Variants in GSTA1 observed in about 807,000 individuals in gnomAD.
GSTA1 encodes the protein glutathione S-transferase A1.
A neutral mutation model predicts 21.5 loss-of-function variants in GSTA1; 23 were observed. That is an observed-to-expected ratio of 1.07 (90% CI 0.77 to 1.52). GSTA1 has a LOEUF of 1.52. Among genes scored for constraint, GSTA1 ranks in the 40% most tolerant of loss-of-function variants. GSTA1 has a pLI of 0.00. For missense variants in GSTA1, 301 were observed against 264.2 expected (o/e 1.14, Z -0.96); for synonymous variants, 125 against 90.0 (o/e 1.39, Z -2.20).
rs1363292247 is a variant in GSTA1, at chr6:52,799,067, CA to C, written c.87+113del. ...GTTCATCTTTTTCTTAATTACAGTC[CA>C]TTTTTATTTAAGGCACAATGCTTCA... On this transcript the variant is annotated intron_variant, in intron 2 of 6. Coordinates refer to ENST00000334575, the MANE Select transcript of GSTA1 (RefSeq NM_145740.5). The C allele has an allele frequency of 5.5e-5, 52 of 946,990 alleles. 1 individual carries two copies. The highest frequency in any genetic ancestry group is 1.3e-4 in the Admixed American group (6 of 45,992). The allele number at this position is 946,990 out of a possible 1,614,324, so 58.7% of individuals were successfully genotyped here.
rs113770859 is a variant in GSTA1, at chr6:52,796,818, G to A, written c.140-504C>T. 5.1e-4 allele frequency among the ~76,000 whole-genome samples: 77 copies of A among 151,824 alleles called. 1 individual carries two copies. The highest frequency in any genetic ancestry group is 1.7e-3 in the African/African-American group (72 of 41,412). ...TCAGCCTCCCAAACTGGGATTACAGGCATGAGCCACTGCACCCAGTCCAAA... is the reference window on the plus strand; with the variant it reads ...TCAGCCTCCCAAACTGGGATTACAGACATGAGCCACTGCACCCAGTCCAAA... On this transcript the variant is annotated intron_variant, in intron 3 of 6. Transcript: ENST00000334575.
At chr6:52,800,854 C>A (rs1446678106) in intron 1 of GSTA1, among the ~76,000 whole-genome samples, 2 of 152,154 alleles carry the variant, frequency 1.3e-5, no homozygotes, top group African/African-American at 4.8e-5. Context: ...CAAAAATATA[C>A]TTGCCTTTAA....
At chr6:52,794,735 T>A (rs1324470630) in intron 4 of GSTA1, among the ~76,000 whole-genome samples, 2 of 152,186 alleles carry the variant, frequency 1.3e-5, no homozygotes, top group Admixed American at 6.5e-5. Context: ...CAGGGCTGCT[T>A]CTATGCCCCA....
intron 1 of GSTA1, among the ~76,000 whole-genome samples, chr6:52,799,685 T>A (rs979743296): frequency 3.3e-5 from 5 of 152,246 alleles, no homozygotes; most frequent in African/African-American, 1.2e-4. Context: ...CTCCTTATAG[T>A]CCCGTGAAAT....
intron 1 of GSTA1, among the ~76,000 whole-genome samples, chr6:52,801,624 T>C (rs1763719476): frequency 6.6e-6 from 1 of 152,256 alleles, no homozygotes; most frequent in Admixed American, 6.5e-5. Flanking sequence ...CATATCACTT[T>C]CTCAATGTGA....
intron 5 of GSTA1, 80 bp from the exon 6 acceptor site, chr6:52,793,067 C>T: frequency 6.2e-7 from 1 of 1,601,012 alleles, no homozygotes. Flanking sequence ...CCTCTCCACC[C>T]TGACTTTCCC....
chr6:52,796,523 G>GTA (rs1294399131), intron 3 of GSTA1, among the ~76,000 whole-genome samples: 61 of 45,214 alleles, frequency 1.3e-3, no homozygotes, highest in Non-Finnish European at 1.8e-3. Context: ...GTGTGTGTGT[G>GTA]TGTGTGTATA....
chr6:52,802,791 G>A (rs1234781034), intron 1 of GSTA1, among the ~76,000 whole-genome samples: 7 of 152,080 alleles, frequency 4.6e-5, no homozygotes, highest in Non-Finnish European at 1.5e-5. Context: ...AACTCGAGTA[G>A]GAATAAGATT....
intron 1 of GSTA1, among the ~76,000 whole-genome samples, chr6:52,801,353 A>G (rs1763712535): frequency 6.6e-6 from 1 of 152,244 alleles, no homozygotes; most frequent in Non-Finnish European, 1.5e-5. Flanking sequence ...TTGACATTGT[A>G]CTTTCTATGA....
At position 52,792,910 on chromosome 6, in the gene GSTA1, G is replaced by A. The variant is rs1763492883; in HGVS notation, c.492C>T (p.Leu164=). Residue 164 remains leucine (L), a synonymous_variant, in exon 6 of 7, where the codon CTC becomes CTT. Coordinates refer to ENST00000334575, the MANE Select transcript of GSTA1 (RefSeq NM_145740.5). ...TGGAGTCAAGCTCCTCGACGTAGTAGAGAAGTTCCACCAGATGAATGTCAG... is the reference window on the plus strand; with the variant it reads ...TGGAGTCAAGCTCCTCGACGTAGTAAAGAAGTTCCACCAGATGAATGTCAG... ...SRADIHLVEL[L]YYVEELDSSL... is the part of the protein sequence containing the mutation. 2 of 1,614,118 alleles carry A rather than the reference G, an allele frequency of 1.2e-6. No homozygotes were observed. Among genetic ancestry groups the A allele is most frequent in the Non-Finnish European group, 1.7e-6 (2 of 1,179,988 alleles).
Position 52,791,917 on chromosome 6 carries a change from T to C in GSTA1, c.610A>G (p.Arg204Gly). The change falls in exon 7 of 7, where the codon AGG becomes GGG. Residue 204 changes from arginine (R) to glycine (G), a missense_variant. Transcript: ENST00000334575. ...VKKFLQPGSPRKPPMDEKSLE... is the reference protein window; with the variant it reads ...VKKFLQPGSPGKPPMDEKSLE... ...GATTTCTCATCCATGGGAGGCTTCC[T>C]TGGGCTGCCAGGCTGTAGAAACTTC... The C allele has an allele frequency of 3.1e-6, 5 of 1,614,010 alleles. No homozygotes were observed. Among genetic ancestry groups the C allele is most frequent in the Non-Finnish European group, 4.2e-6 (5 of 1,179,872 alleles).
chr6:52,801,305 C>A (rs1456597567), intron 1 of GSTA1, among the ~76,000 whole-genome samples: 4 of 152,190 alleles, frequency 2.6e-5, no homozygotes, highest in Non-Finnish European at 4.4e-5. Flanking sequence ...TCTTTGAAAT[C>A]ATACTGAATC....
At chr6:52,793,650 C>T (rs554813512) in intron 5 of GSTA1, among the ~76,000 whole-genome samples, 1 of 152,348 alleles carries the variant, frequency 6.6e-6, no homozygotes, top group African/African-American at 2.4e-5. Context: ...TCTTCCTCTG[C>T]ATCCCACAAT....
intron 5 of GSTA1, among the ~76,000 whole-genome samples, chr6:52,793,583 G>A (rs566549543): frequency 2.6e-5 from 4 of 152,210 alleles, no homozygotes; most frequent in Admixed American, 6.5e-5. Flanking sequence ...AAGCTGAAGC[G>A]TTTACGGGTG....
At chr6:52,800,201 A>T (rs1763681074) in intron 1 of GSTA1, among the ~76,000 whole-genome samples, 1 of 152,236 alleles carries the variant, frequency 6.6e-6, no homozygotes, top group African/African-American at 2.4e-5. Context: ...ATCCTACAAA[A>T]ATCACCTAAG....
chr6:52,794,292 T>C, intron 4 of GSTA1, 26 bp from the exon 5 acceptor site: 1 of 1,598,646 alleles, frequency 6.3e-7, no homozygotes. Context: ...AACCAAATGG[T>C]CAAATACCTT....
chr6:52,799,788 C>G (rs1763670384), intron 1 of GSTA1, among the ~76,000 whole-genome samples: 1 of 152,132 alleles, frequency 6.6e-6, no homozygotes, highest in African/African-American at 2.4e-5. Context: ...ACATGAATAT[C>G]TACACCAAGG....
At chr6:52,792,605 C>A in intron 6 of GSTA1, 1 of 765,616 alleles carries the variant, frequency 1.3e-6, no homozygotes, top group Non-Finnish European at 1.9e-6. Flanking sequence ...GGGAGAGATG[C>A]TGGGCCCTGG....
chr6:52,799,081 G>A, intron 2 of GSTA1, 100 bp downstream of exon 2: 1 of 1,090,718 alleles, frequency 9.2e-7, no homozygotes, highest in South Asian at 1.3e-5. Context: ...TTTATTTAAG[G>A]CACAATGCTT....
Sources: gnomAD v4.1 joint callset for allele counts (sites outside exome capture counted in the v4.1 genomes callset) on GRCh38, gnomAD v4.1.1 for gene constraint, MANE v1.5 for transcripts, NCBI Gene and HGNC (gene_info 2026-07-23, HGNC 2026-07-21) for gene names.